IL1RAPL1: variants seen among roughly 807,000 people sequenced by gnomAD.
IL1RAPL1 encodes interleukin-1 receptor accessory protein-like 1.
Under a neutral mutation model 48.4 loss-of-function variants are expected in IL1RAPL1, and 3 were observed. The ratio of observed to expected loss-of-function variants is 0.06; its 90% CI spans 0.03 to 0.16. IL1RAPL1 has a LOEUF of 0.16. IL1RAPL1 is among the 10% of genes least tolerant of loss of function. The pLI is 1.00. For synonymous variants in IL1RAPL1, 185 were observed against 187.7 expected, an observed-to-expected ratio of 0.99 and a Z score of 0.12; for missense variants, 349 against 530.6, an observed-to-expected ratio of 0.66 and a Z score of 3.36.
intron 2 of IL1RAPL1, among the ~76,000 whole-genome samples, chrX:29,126,751 A>AATATAATTAGTAAGT (rs1928907254): frequency 8.9e-6 from 1 of 112,362 alleles, no homozygotes; most frequent in Non-Finnish European, 1.9e-5. Flanking sequence ...GCATTTTGAA[A>AATATAATTAGTAAGT]ATATAATTAG....
At chrX:28,909,328 A>G (rs1923299881) in intron 2 of IL1RAPL1, among the ~76,000 whole-genome samples, 1 of 111,631 alleles carries the variant, frequency 9.0e-6, no homozygotes, top group African/African-American at 3.2e-5. Context: ...GGGGGGATAT[A>G]TGCAGGTCTC....
intron 1 of IL1RAPL1, among the ~76,000 whole-genome samples, chrX:28,788,335 G>A (rs753098432): frequency 7.2e-5 from 8 of 111,817 alleles, no homozygotes; most frequent in Admixed American, 9.6e-5. Context: ...GACAATGTTC[G>A]TTTATTTAAT....
chrX:28,995,302 T>G (rs1925702025), intron 2 of IL1RAPL1, among the ~76,000 whole-genome samples: 1 of 111,808 alleles, frequency 8.9e-6, no homozygotes, highest in Non-Finnish European at 1.9e-5. Flanking sequence ...TCATCTTCAC[T>G]AATCTCTTTT....
Position 29,316,869 on chromosome X carries a change from G to A in IL1RAPL1, c.362+33652G>A, listed in dbSNP as rs746433700. Among the ~76,000 whole-genome samples the A allele has an allele frequency of 1.2e-3, 139 of 111,390 alleles. 1 individual carries two copies. The highest frequency in any genetic ancestry group is 4.4e-3 in the African/African-American group (134 of 30,690). On this transcript the variant is annotated intron_variant, in intron 3 of 10. Coordinates refer to ENST00000378993, the MANE Select transcript of IL1RAPL1 (RefSeq NM_014271.4). ...GTTTATAATTTGGTATCTTAATGTT[G>A]CAGAGTCCATTTTGTTAGTCTTTGC...
chrX:29,560,115 C>G (rs1470653249), intron 5 of IL1RAPL1, among the ~76,000 whole-genome samples: 1 of 111,750 alleles, frequency 8.9e-6, no homozygotes, highest in African/African-American at 3.3e-5. Flanking sequence ...TTTTGTTTAT[C>G]TTACAAAGTC....
intron 5 of IL1RAPL1, among the ~76,000 whole-genome samples, chrX:29,633,296 TA>T (rs1317492641): frequency 1.8e-5 from 2 of 111,290 alleles, no homozygotes; most frequent in Non-Finnish European, 1.9e-5. Flanking sequence ...TCCAAAACAG[TA>T]AAATTAATCA....
intron 1 of IL1RAPL1, among the ~76,000 whole-genome samples, chrX:28,667,496 C>T (rs1466098506): frequency 2.7e-5 from 3 of 111,908 alleles, no homozygotes; most frequent in African/African-American, 9.8e-5. Context: ...TAACTGGACT[C>T]CTGTTTTGCT....
chrX:29,525,403 C>A (rs754916844), intron 5 of IL1RAPL1, among the ~76,000 whole-genome samples: 19 of 112,089 alleles, frequency 1.7e-4, no homozygotes, highest in Non-Finnish European at 2.3e-4. Context: ...ATTACTTTTT[C>A]TTTCTAGAGA....
At chrX:28,747,786 T>C (rs1203119546) in intron 1 of IL1RAPL1, among the ~76,000 whole-genome samples, 1 of 112,231 alleles carries the variant, frequency 8.9e-6, no homozygotes, top group African/African-American at 3.2e-5. Context: ...CTATGTGTTC[T>C]GAGTATTTAT....
intron 8 of IL1RAPL1, among the ~76,000 whole-genome samples, chrX:29,933,657 CAAAA>C (rs1217616087): frequency 5.9e-5 from 2 of 34,120 alleles, no homozygotes; most frequent in Non-Finnish European, 6.8e-5. Flanking sequence ...ACAAAATAGA[CAAAA>C]AAAAAAAAAA....
At chrX:28,789,045 G>A (rs1353029688) in intron 1 of IL1RAPL1, among the ~76,000 whole-genome samples, 4 of 111,160 alleles carry the variant, frequency 3.6e-5, no homozygotes, top group Non-Finnish European at 7.5e-5. Flanking sequence ...TACAACTAGG[G>A]CGTTTAAATA....
chrX:28,639,194 T>G (rs5985886), intron 1 of IL1RAPL1, among the ~76,000 whole-genome samples: 9,124 of 111,472 alleles, frequency 0.082, 324 homozygotes, highest in African/African-American at 0.14. Context: ...GAGCAATGAG[T>G]GATTTAGAGT....
intron 1 of IL1RAPL1, among the ~76,000 whole-genome samples, chrX:28,602,098 C>T (rs1342692955): frequency 1.0e-5 from 1 of 96,219 alleles, no homozygotes; most frequent in African/African-American, 4.0e-5. Context: ...GAACGAGACT[C>T]CATCTCAAAA....
intron 2 of IL1RAPL1, among the ~76,000 whole-genome samples, chrX:28,909,352 A>G (rs1290665081): frequency 1.8e-5 from 2 of 111,604 alleles, no homozygotes; most frequent in East Asian, 2.8e-4. Context: ...GAAAGTGTCT[A>G]TTGTGAACTT....
intron 3 of IL1RAPL1, among the ~76,000 whole-genome samples, chrX:29,378,358 T>C (rs1462580319): frequency 1.8e-5 from 2 of 111,513 alleles, no homozygotes; most frequent in African/African-American, 6.6e-5. Flanking sequence ...GGTTCTGAAT[T>C]TTATGTCTGT....
At chrX:29,417,566 C>T (rs1019570253) in intron 5 of IL1RAPL1, among the ~76,000 whole-genome samples, 12 of 111,732 alleles carry the variant, frequency 1.1e-4, no homozygotes, top group African/African-American at 2.3e-4. Flanking sequence ...GGTTGATCAT[C>T]GGGTTCCACT....
In IL1RAPL1 at chrX:29,111,567, GTCT is replaced by G. The variant is rs1050058833; in HGVS notation, c.83-171370_83-171368del. 2.5e-3 allele frequency among the ~76,000 whole-genome samples: 281 copies of G among 111,536 alleles called. 1 individual carries two copies. The highest frequency in any genetic ancestry group is 8.6e-3 in the African/African-American group (264 of 30,675). On this transcript the variant is annotated intron_variant, in intron 2 of 10. Coordinates refer to ENST00000378993, the MANE Select transcript of IL1RAPL1 (RefSeq NM_014271.4). ...TCGTCTTATGAAAATTCCTGTATAC[GTCT>G]CCTGGTGCACATGAGCAAGAATTTC...
chrX:29,926,652 A>G (rs896836518), intron 8 of IL1RAPL1, among the ~76,000 whole-genome samples: 1 of 111,930 alleles, frequency 8.9e-6, no homozygotes, highest in Non-Finnish European at 1.9e-5. Context: ...TCTTGTCACT[A>G]CTGACATTTT....
At chrX:29,412,999 C>T (rs1468370400) in intron 5 of IL1RAPL1, among the ~76,000 whole-genome samples, 1 of 112,111 alleles carries the variant, frequency 8.9e-6, no homozygotes, top group African/African-American at 3.2e-5. Flanking sequence ...CAAATTTCAT[C>T]TTAAATTGTA....
Sources: allele counts gnomAD v4.1 joint callset (sites outside exome capture counted in the v4.1 genomes callset), GRCh38; gene constraint gnomAD v4.1.1; transcripts MANE v1.5; gene names NCBI Gene and HGNC (gene_info 2026-07-23, HGNC 2026-07-21).